Variants in GRIN2A observed in about 807,000 individuals in gnomAD.
The protein encoded by GRIN2A is glutamate ionotropic receptor NMDA type subunit 2A, also known as glutamate receptor ionotropic, NMDA 2A.
A neutral mutation model predicts 113.4 loss-of-function variants in GRIN2A; 22 were observed. That is an observed-to-expected ratio of 0.19 (90% CI 0.14 to 0.28). The LOEUF is 0.28. GRIN2A is among the 10% of genes least tolerant of loss of function. The pLI is 1.00. For missense variants in GRIN2A, 1,502 were observed against 1,887.0 expected, an observed-to-expected ratio of 0.80 and a Z score of 3.78; for synonymous variants, 827 against 738.4, an observed-to-expected ratio of 1.12 and a Z score of -1.94.
chr16:9,941,670 G>T (rs78898985), intron 2 of GRIN2A, among the ~76,000 whole-genome samples: 1 of 151,984 alleles, frequency 6.6e-6, no homozygotes, highest in African/African-American at 2.4e-5. Flanking sequence ...GCCTTGGATG[G>T]GGGGGAAAAA....
intron 3 of GRIN2A, among the ~76,000 whole-genome samples, chr16:9,931,571 T>G (rs1360487926): frequency 6.6e-6 from 1 of 152,172 alleles, no homozygotes; most frequent in African/African-American, 2.4e-5. Flanking sequence ...GAAGTTTTCT[T>G]GATGCCACAC....
intron 10 of GRIN2A, among the ~76,000 whole-genome samples, chr16:9,814,422 G>A (rs899005974): frequency 2.0e-5 from 3 of 152,102 alleles, no homozygotes; most frequent in African/African-American, 7.2e-5. Flanking sequence ...GTGTTGTGAG[G>A]ATTAATTGAG....
intron 2 of GRIN2A, among the ~76,000 whole-genome samples, chr16:10,174,548 T>A (rs2050106233): frequency 6.6e-6 from 1 of 152,332 alleles, no homozygotes; most frequent in Non-Finnish European, 1.5e-5. Context: ...ATAATACATA[T>A]TTTTTAATCT....
At chr16:10,041,842 T>C (rs1375714116) in intron 2 of GRIN2A, among the ~76,000 whole-genome samples, 3 of 152,244 alleles carry the variant, frequency 2.0e-5, no homozygotes, top group Admixed American at 6.5e-5. Flanking sequence ...TTTCCATGAA[T>C]ATGCTAATTG....
chr16:10,154,982 C>T (rs2049659062), intron 2 of GRIN2A, among the ~76,000 whole-genome samples: 1 of 152,200 alleles, frequency 6.6e-6, no homozygotes, highest in Non-Finnish European at 1.5e-5. Context: ...GTTCAAACAG[C>T]AGGAAATAAG....
intron 2 of GRIN2A, among the ~76,000 whole-genome samples, chr16:10,082,576 G>T (rs879466567): frequency 6.6e-6 from 1 of 152,188 alleles, no homozygotes; most frequent in African/African-American, 2.4e-5. Context: ...GGTGGGCCTG[G>T]CCTCATCAGA....
chr16:9,884,376 TC>T (rs1447391472), intron 4 of GRIN2A, among the ~76,000 whole-genome samples: 1 of 151,928 alleles, frequency 6.6e-6, no homozygotes, highest in Non-Finnish European at 1.5e-5. Context: ...TGGTGAAACT[TC>T]ATCTCTACTA....
chr16:10,030,340 T>C (rs1198283002), intron 2 of GRIN2A, among the ~76,000 whole-genome samples: 2 of 152,154 alleles, frequency 1.3e-5, no homozygotes, highest in Non-Finnish European at 2.9e-5. Context: ...CTCCAGATCA[T>C]GTTGTGTTTG....
At chr16:9,890,222 A>G (rs185860566) in intron 4 of GRIN2A, among the ~76,000 whole-genome samples, 1 of 152,348 alleles carries the variant, frequency 6.6e-6, no homozygotes, top group African/African-American at 2.4e-5. Context: ...CAACGTAACA[A>G]CAAAGGCTTT....
At chr16:9,964,111 G>C (rs2141713470) in intron 2 of GRIN2A, among the ~76,000 whole-genome samples, 1 of 152,352 alleles carries the variant, frequency 6.6e-6, no homozygotes, top group African/African-American at 2.4e-5. Context: ...GGATGAAGCA[G>C]CAGAGATTGC....
intron 2 of GRIN2A, among the ~76,000 whole-genome samples, chr16:9,979,929 C>CT (rs2045859871): frequency 6.7e-6 from 1 of 148,332 alleles, no homozygotes; most frequent in Non-Finnish European, 1.5e-5. Flanking sequence ...GAAAATGAAA[C>CT]TATAGACTCT....
chr16:9,863,977 G>T (rs1208549638), intron 4 of GRIN2A, among the ~76,000 whole-genome samples: 1 of 152,124 alleles, frequency 6.6e-6, no homozygotes, highest in Non-Finnish European at 1.5e-5. Context: ...ATTGGGGCTG[G>T]GGAAGGTTAA....
intron 2 of GRIN2A, among the ~76,000 whole-genome samples, chr16:10,015,406 G>C (rs911747204): frequency 3.9e-5 from 6 of 152,032 alleles, no homozygotes; most frequent in African/African-American, 1.4e-4. Context: ...ACAGATCTAA[G>C]TACAGAGACC....
At chr16:10,032,945 C>A (rs2046956957) in intron 2 of GRIN2A, among the ~76,000 whole-genome samples, 1 of 152,152 alleles carries the variant, frequency 6.6e-6, no homozygotes, top group Non-Finnish European at 1.5e-5. Context: ...AGTGTCCTTA[C>A]CCAGTGGAGA....
intron 10 of GRIN2A, among the ~76,000 whole-genome samples, chr16:9,808,674 G>A (rs1490663474): frequency 6.6e-6 from 1 of 152,160 alleles, no homozygotes; most frequent in Non-Finnish European, 1.5e-5. Flanking sequence ...GAATATTAAA[G>A]TAGGCGTTTC....
intron 2 of GRIN2A, among the ~76,000 whole-genome samples, chr16:9,948,105 G>T (rs2045066404): frequency 6.6e-6 from 1 of 152,192 alleles, no homozygotes; most frequent in African/African-American, 2.4e-5. Context: ...AAAGCAGGTT[G>T]ACAACCCATC....
intron 3 of GRIN2A, among the ~76,000 whole-genome samples, chr16:9,931,664 C>G (rs1033638132): frequency 1.3e-5 from 2 of 152,158 alleles, no homozygotes; most frequent in African/African-American, 4.8e-5. Flanking sequence ...CACCCTCTCC[C>G]TTCTATGACC....
chr16:9,892,906 C>T (rs1348099067), intron 3 of GRIN2A, among the ~76,000 whole-genome samples: 1 of 141,930 alleles, frequency 7.0e-6, no homozygotes, highest in African/African-American at 2.6e-5. Flanking sequence ...CTTCATATTC[C>T]ATTAACATCC....
In GRIN2A at chr16:9,934,945, C is replaced by T. The variant is rs537238828; in HGVS notation, c.1007+3014G>A. On this transcript the variant is annotated intron_variant, in intron 3 of 12. Coordinates refer to ENST00000330684, the MANE Select transcript of GRIN2A (RefSeq NM_001134407.3). ...TTAAACACCAAGCAGTGGATGGCGA[C>T]TTACCACGCTTGATGCATTGCTTCT... is the stretch of plus-strand genomic sequence containing the variant. Among the ~76,000 whole-genome samples the T allele has an allele frequency of 2.6e-5, 4 of 152,064 alleles. No homozygotes were observed. In the South Asian group the frequency reaches 8.3e-4, roughly 32 times the overall value.
Sources: allele counts gnomAD v4.1 joint callset (sites outside exome capture counted in the v4.1 genomes callset), GRCh38; gene constraint gnomAD v4.1.1; transcripts MANE v1.5; gene names NCBI Gene and HGNC (gene_info 2026-07-23, HGNC 2026-07-21).